ARVCF: variants seen among roughly 807,000 people sequenced by gnomAD.
The protein encoded by ARVCF is ARVCF delta catenin family member.
In ARVCF, 66 loss-of-function variants were observed where a neutral mutation model predicts 90.9. The observed-to-expected ratio is 0.73, with a 90% CI of 0.60 to 0.89. The LOEUF is 0.89. Among genes scored for constraint, ARVCF ranks in the 40% least tolerant of loss-of-function variants. The probability of loss-of-function intolerance (pLI) is 0.00; values close to 1 mark genes in which losing one functional copy is unlikely to be tolerated. For synonymous variants in ARVCF, 653 were observed against 603.4 expected, an observed-to-expected ratio of 1.08 and a Z score of -1.21; for missense variants, 1,469 against 1,382.3, an observed-to-expected ratio of 1.06 and a Z score of -1.00.
chr22:19,991,107 A>C (rs781401439), intron 2 of ARVCF, among the ~76,000 whole-genome samples: 12 of 152,396 alleles, frequency 7.9e-5, no homozygotes, highest in Non-Finnish European at 1.3e-4. Context: ...TGGGAAGGGC[A>C]GGAAGAGCTC....
chr22:20,003,304 G>A (rs1043621217), intron 2 of ARVCF, among the ~76,000 whole-genome samples: 7 of 152,052 alleles, frequency 4.6e-5, no homozygotes, highest in Non-Finnish European at 8.8e-5. Flanking sequence ...AACACCAATC[G>A]TCCTCAAACT....
At position 19,970,862 on chromosome 22, in the gene ARVCF, A is replaced by G; in HGVS notation, c.*13-119T>C. 4 of 1,233,690 alleles carry G rather than the reference A, an allele frequency of 3.2e-6. No individual in the cohort carries two copies. In the South Asian group the frequency reaches 5.3e-5, roughly 16 times the overall value. 76.4% of individuals were successfully genotyped at this position (1,233,690 alleles called of 1,614,324 possible). On this transcript the variant is annotated intron_variant, in intron 19 of 19. Coordinates refer to ENST00000263207, the MANE Select transcript of ARVCF (RefSeq NM_001670.3). ...CATGGATGGAGATGTGGATAGAAGC[A>G]TCTGCCCTGGGTGGTGTGGGCTGAC...
chr22:19,967,045 G>C (rs1351327876), downstream of ARVCF: 4 of 1,209,640 alleles, frequency 3.3e-6, no homozygotes, highest in Non-Finnish European at 4.2e-6. Flanking sequence ...GGCAGGACAG[G>C]TGCTGCCTTC....
intron 11 of ARVCF, among the ~76,000 whole-genome samples, chr22:19,974,878 C>T (rs1468233164): frequency 1.3e-5 from 2 of 152,198 alleles, no homozygotes; most frequent in African/African-American, 4.8e-5. Context: ...TCCTGCTGCT[C>T]TGCCCAGTGC....
intron 2 of ARVCF, among the ~76,000 whole-genome samples, chr22:19,994,581 T>C (rs1601645568): frequency 2.7e-5 from 1 of 36,646 alleles, no homozygotes; most frequent in Non-Finnish European, 4.9e-5. Flanking sequence ...GGTGGGGGGA[T>C]GGTGGAGGAT....
intron 2 of ARVCF, among the ~76,000 whole-genome samples, chr22:20,003,582 CA>C (rs1944517685): frequency 5.3e-5 from 8 of 152,178 alleles, no homozygotes. Context: ...GTACAAAAAT[CA>C]ATCAATGTAA....
At chr22:20,011,440 T>G (rs73877106) in intron 1 of ARVCF, among the ~76,000 whole-genome samples, 7,349 of 152,142 alleles carry the variant, frequency 0.048, 212 homozygotes, top group South Asian at 0.084. Flanking sequence ...CCCCGCCCAA[T>G]AGTCCTTTGT....
In ARVCF at chr22:19,970,165, AG is replaced by A; in HGVS notation, c.*590del. On this transcript the variant is annotated 3_prime_UTR_variant, in exon 20 of 20. Transcript: ENST00000263207. ...CTGCACAGGGGCCTCACGTGACTGC[AG>A]GGCTCTGGGGAGGTGGGGCACCTGT... The A allele has an allele frequency of 4.1e-6, 4 of 987,034 alleles. No homozygotes were observed. Among genetic ancestry groups the A allele is most frequent in the Non-Finnish European group, 4.8e-6 (4 of 831,022 alleles). 61.1% of individuals were successfully genotyped at this position (987,034 alleles called of 1,614,324 possible).
chr22:19,973,899 C>T (rs1758704153), intron 12 of ARVCF, 106 bp from the exon 13 acceptor site: 2 of 1,507,754 alleles, frequency 1.3e-6, no homozygotes, highest in Admixed American at 3.9e-5. Context: ...CCGTGCCCGA[C>T]AAAGCCCTAC....
At position 19,982,056 on chromosome 22, in the gene ARVCF, C is replaced by T. The variant is rs1943536471; in HGVS notation, c.246G>A (p.Thr82=). 2.5e-6 allele frequency: 4 copies of T among 1,612,640 alleles called. No individual in the cohort carries two copies. The highest frequency in any genetic ancestry group is 3.4e-6 in the Non-Finnish European group (4 of 1,179,946). Residue 82 remains threonine, a synonymous_variant, in exon 4 of 20, where the codon ACG becomes ACA. Coordinates refer to ENST00000263207, the MANE Select transcript of ARVCF (RefSeq NM_001670.3). The stretch of plus-strand genomic sequence containing the variant: ...CCAGCACATCAGGTGCCTCCGGCAT[C>T]GTGGCCAGTGAGGCCTGGCTGCCTG... ...QSPGSQASLA[T]MPEAPDVLEE... is the part of the protein sequence containing the mutation.
chr22:19,990,855 C>A, intron 2 of ARVCF, 43 bp from the exon 3 acceptor site: 1 of 1,524,286 alleles, frequency 6.6e-7, no homozygotes, highest in Non-Finnish European at 8.9e-7. Flanking sequence ...GGGGCACAGC[C>A]TGGCAAGGCC....
intron 2 of ARVCF, 77 bp from the exon 3 acceptor site, chr22:19,990,889 C>A (rs1046315919): frequency 7.1e-7 from 1 of 1,404,228 alleles, no homozygotes; most frequent in Admixed American, 2.0e-5. Context: ...GCCCGCCCCA[C>A]TCACAGACCA....
chr22:19,996,597 A>G (rs1001811078), intron 2 of ARVCF, among the ~76,000 whole-genome samples: 1 of 152,246 alleles, frequency 6.6e-6, no homozygotes, highest in Non-Finnish European at 1.5e-5. Flanking sequence ...TACAACAACA[A>G]AGTGGCATCC....
intron 3 of ARVCF, chr22:19,983,589 C>G (rs991923716): frequency 6.6e-6 from 1 of 152,430 alleles, no homozygotes; most frequent in African/African-American, 2.4e-5. Context: ...GCACCTCCCC[C>G]TCTCCCACAG....
chr22:19,965,820 G>A (rs1319229468), downstream of ARVCF, among the ~76,000 whole-genome samples: 3 of 151,490 alleles, frequency 2.0e-5, no homozygotes, highest in Non-Finnish European at 4.4e-5. Flanking sequence ...GGTGGGCATT[G>A]GGAGGGTGGG....
chr22:19,973,075 C>G, intron 14 of ARVCF, 39 bp from the exon 15 acceptor site: 1 of 1,608,674 alleles, frequency 6.2e-7, no homozygotes, highest in East Asian at 2.2e-5. Context: ...GGCCCCTCCC[C>G]CACCTCCGCG....
Position 19,981,720 on chromosome 22 carries a change from C to T in ARVCF, c.387G>A (p.Lys129=). 6.4e-7 allele frequency: 1 copy of T among 1,570,854 alleles called. No homozygotes were observed. Among genetic ancestry groups the T allele is most frequent in the Non-Finnish European group, 8.6e-7 (1 of 1,156,400 alleles). ...GGCGTACTGTCCGAGTGGTCACCGT[C>T]TTGACAGTCTTGGTGACCTGGTGGA... ...RTETKVTKTV[K]TVTTRTVRQV... is the part of the protein sequence containing the mutation. Residue 129 remains lysine (K), a synonymous_variant, in exon 5 of 20, where the codon AAG becomes AAA. Transcript: ENST00000263207.
intron 3 of ARVCF, chr22:19,987,157 T>C: frequency 4.4e-6 from 2 of 453,858 alleles, no homozygotes; most frequent in Non-Finnish European, 7.9e-6. Context: ...CAGGCTCGGC[T>C]CCGGCGCCTC....
At chr22:19,989,546 T>C (rs563616864) in intron 3 of ARVCF, among the ~76,000 whole-genome samples, 1 of 151,940 alleles carries the variant, frequency 6.6e-6, no homozygotes, top group East Asian at 1.9e-4. Context: ...CCTTTCTCTC[T>C]AGATGAGAAG....
Sources: gnomAD v4.1 joint callset for allele counts (sites outside exome capture counted in the v4.1 genomes callset) on GRCh38, gnomAD v4.1.1 for gene constraint, MANE v1.5 for transcripts, NCBI Gene and HGNC (gene_info 2026-07-23, HGNC 2026-07-21) for gene names.